The following GRAMD4 variants were observed in gnomAD, a reference collection of about 807,000 sequenced individuals.
The protein encoded by GRAMD4 is GRAM domain containing 4, also known as GRAM domain-containing protein 4.
A neutral mutation model predicts 83.9 loss-of-function variants in GRAMD4; 25 were observed. The observed-to-expected ratio is 0.30, with a 90% confidence interval of 0.22 to 0.42. GRAMD4 has a LOEUF of 0.42. Among genes scored for constraint, GRAMD4 ranks in the 10% least tolerant of loss-of-function variants. The pLI is 1.00. For synonymous variants in GRAMD4, 336 were observed against 320.9 expected (o/e 1.05, Z -0.50); for missense variants, 593 against 788.7 (o/e 0.75, Z 2.97).
At chr22:46,627,063 C>T in intron 2 of GRAMD4, 102 bp downstream of exon 2, 3 of 804,890 alleles carry the variant, frequency 3.7e-6, no homozygotes, top group Non-Finnish European at 6.3e-6. Context: ...CCTGCCCATG[C>T]TGGTCAGAGA....
At chr22:46,587,396 C>T (rs891121981) in intron 1 of GRAMD4, among the ~76,000 whole-genome samples, 6 of 152,150 alleles carry the variant, frequency 3.9e-5, no homozygotes, top group East Asian at 3.9e-4. Flanking sequence ...AAAGCCCAGC[C>T]GTCCGGAGTG....
chr22:46,613,619 G>A (rs557331673), intron 1 of GRAMD4, among the ~76,000 whole-genome samples: 75 of 152,008 alleles, frequency 4.9e-4, no homozygotes, highest in African/African-American at 1.7e-3. Flanking sequence ...TCGGACAGAG[G>A]GCATCGCTTG....
At chr22:46,629,275 G>A (rs1024790851) in intron 2 of GRAMD4, among the ~76,000 whole-genome samples, 1 of 152,110 alleles carries the variant, frequency 6.6e-6, no homozygotes, top group Non-Finnish European at 1.5e-5. Context: ...CTTTTAAGGG[G>A]GACGGCAGTC....
At chr22:46,634,127 C>T (rs1018299187) in intron 2 of GRAMD4, among the ~76,000 whole-genome samples, 6 of 152,178 alleles carry the variant, frequency 3.9e-5, no homozygotes, top group Non-Finnish European at 8.8e-5. Context: ...TTGGAAAATG[C>T]CTCTTGAAGG....
intron 1 of GRAMD4, among the ~76,000 whole-genome samples, chr22:46,599,914 CAGTG>C: frequency 6.6e-6 from 1 of 152,318 alleles, no homozygotes; most frequent in South Asian, 2.1e-4. Flanking sequence ...AGTCCTGAGT[CAGTG>C]AGAATCCCAG....
rs186397458 is a variant in GRAMD4, at chr22:46,602,953, G to C, written c.-49-23798G>C. Among the ~76,000 whole-genome samples, 81 of 151,802 alleles carry C rather than the reference G, an allele frequency of 5.3e-4. No homozygotes were observed. In the East Asian group the frequency reaches 0.015, roughly 28 times the overall value. ...AGATGGGGTTTCACCATGTTGGCCAGGCTGGTCTCGAACTCCTGATCTCGC... is the reference window on the plus strand; with the variant it reads ...AGATGGGGTTTCACCATGTTGGCCACGCTGGTCTCGAACTCCTGATCTCGC... On this transcript the variant is annotated intron_variant, in intron 1 of 1. Transcript: ENST00000431155.
chr22:46,611,423 G>A (rs1366837782), intron 1 of GRAMD4, among the ~76,000 whole-genome samples: 2 of 152,036 alleles, frequency 1.3e-5, no homozygotes, highest in Admixed American at 1.3e-4. Context: ...AGGCCATGGA[G>A]TCCAGTGGAG....
upstream of GRAMD4, among the ~76,000 whole-genome samples, chr22:46,576,918 C>T (rs2081046892): frequency 6.9e-6 from 1 of 145,888 alleles, no homozygotes; most frequent in South Asian, 2.1e-4. Context: ...ACAAAGGCCG[C>T]GCCGCGTGAC....
chr22:46,634,497 G>A (rs2081828748), intron 2 of GRAMD4, among the ~76,000 whole-genome samples: 5 of 152,218 alleles, frequency 3.3e-5, no homozygotes, highest in Admixed American at 6.5e-5. Flanking sequence ...GGCGAATGGC[G>A]GGAGAAGGAG....
chr22:46,620,402 C>T lies in GRAMD4; in HGVS notation c.-213C>T. The T allele has an allele frequency of 1.0e-6, 1 of 985,144 alleles. No homozygotes were observed. The highest frequency in any genetic ancestry group is 4.7e-5 in the South Asian group (1 of 21,276). 61.0% of individuals were successfully genotyped at this position (985,144 alleles called of 1,614,324 possible). A position where few individuals can be genotyped will look rare whatever the true frequency, so the allele number is the denominator to read the frequency against. ...TGCTCTGGTGCACAGGACTGGAGTCCTCCAGGCTCCAGGGCAGCAGACACC... is the reference window on the plus strand; with the variant it reads ...TGCTCTGGTGCACAGGACTGGAGTCTTCCAGGCTCCAGGGCAGCAGACACC... On this transcript the variant is annotated 5_prime_UTR_variant, in exon 1 of 19. Coordinates refer to ENST00000406902, the MANE Select transcript of GRAMD4 (RefSeq NM_015124.5). This position sits in a 1 kb window ranked among gnomAD's most constrained non-coding sequence, Gnocchi z 4.7.
chr22:46,621,284 T>A lies in GRAMD4; in HGVS notation c.-50+719T>A, dbSNP rs1301018715. ...CTGCATCTGTAAGTTGGGCGTGTGCTGGGTAATAGTGTCCTCCCCCAAAAT... is the reference window on the plus strand; with the variant it reads ...CTGCATCTGTAAGTTGGGCGTGTGCAGGGTAATAGTGTCCTCCCCCAAAAT... On this transcript the variant is annotated intron_variant, in intron 1 of 18. Coordinates refer to ENST00000406902, the MANE Select transcript of GRAMD4 (RefSeq NM_015124.5). The surrounding 1 kb of genome is among the most constrained non-coding windows in gnomAD (Gnocchi z 5.8). Among the ~76,000 whole-genome samples, 1 of 152,150 alleles carries A rather than the reference T, an allele frequency of 6.6e-6. No homozygotes were observed. The highest frequency in any genetic ancestry group is 6.5e-5 in the Admixed American group (1 of 15,290).
At chr22:46,662,697 G>A (rs956253247) in intron 5 of GRAMD4, among the ~76,000 whole-genome samples, 10 of 152,154 alleles carry the variant, frequency 6.6e-5, no homozygotes, top group South Asian at 4.1e-4. Flanking sequence ...GAGGTGGGCC[G>A]AGCAGCCTGG....
intron 1 of GRAMD4, among the ~76,000 whole-genome samples, chr22:46,586,830 G>T (rs1166126548): frequency 6.6e-6 from 1 of 152,202 alleles, no homozygotes; most frequent in African/African-American, 2.4e-5. Flanking sequence ...CTGATGAGGA[G>T]GGAGCTGAGG....
chr22:46,646,347 A>T (rs796862261), intron 3 of GRAMD4, among the ~76,000 whole-genome samples: 1 of 152,260 alleles, frequency 6.6e-6, no homozygotes. Context: ...TACAGGGATC[A>T]GAGTGGCTGG....
chr22:46,681,181 G>T (rs1448587225), downstream of GRAMD4, among the ~76,000 whole-genome samples: 2 of 122,656 alleles, frequency 1.6e-5, no homozygotes, highest in Non-Finnish European at 3.8e-5. Context: ...CACACAGACA[G>T]GGGGCAGTGT....
chr22:46,613,966 G>A (rs1025444243), intron 1 of GRAMD4, among the ~76,000 whole-genome samples: 5 of 152,216 alleles, frequency 3.3e-5, no homozygotes, highest in South Asian at 2.1e-4. Context: ...CCTCATGGCC[G>A]TCATGGCCGC....
At position 46,643,295 on chromosome 22, in the gene GRAMD4, TCATC is replaced by T. The variant is rs763098193; in HGVS notation, c.283+5363_283+5366del. On this transcript the variant is annotated intron_variant, in intron 3 of 18. Coordinates refer to ENST00000406902, the MANE Select transcript of GRAMD4 (RefSeq NM_015124.5). ...TCCATCCATCTATCCATCCATCCATTCATCCATCCATCCATCCATCCATCCATCC... is the reference window on the plus strand; with the variant it reads ...TCCATCCATCTATCCATCCATCCATTCATCCATCCATCCATCCATCCATCC... Among the ~76,000 whole-genome samples the T allele has an allele frequency of 6.1e-3, 626 of 102,972 alleles. 5 individuals are homozygous for T. Among genetic ancestry groups the T allele is most frequent in the African/African-American group, 0.019 (553 of 29,448 alleles). The allele number at this position is 102,972 out of a possible 152,430, so 67.6% of individuals were successfully genotyped here.
At chr22:46,640,975 T>C (rs989786075) in intron 3 of GRAMD4, among the ~76,000 whole-genome samples, 3 of 152,234 alleles carry the variant, frequency 2.0e-5, no homozygotes, top group African/African-American at 7.2e-5. Flanking sequence ...TTTTCGTTAA[T>C]ACCATCAGCT....
chr22:46,630,405 G>A (rs900399358), intron 2 of GRAMD4, among the ~76,000 whole-genome samples: 8 of 152,208 alleles, frequency 5.3e-5, no homozygotes, highest in Non-Finnish European at 8.8e-5. Flanking sequence ...CTGAATGCCT[G>A]CGATTGAGTG....
Sources: allele counts gnomAD v4.1 joint callset (sites outside exome capture counted in the v4.1 genomes callset), GRCh38; gene constraint gnomAD v4.1.1; non-coding constraint Gnocchi (gnomAD v3.1); transcripts MANE v1.5; gene names NCBI Gene and HGNC (gene_info 2026-07-23, HGNC 2026-07-21).